S100A8: variants seen among roughly 807,000 people sequenced by gnomAD.
S100A8 encodes protein S100-A8.
S100A8 carries 1 observed loss-of-function variant against 4.2 expected under a neutral mutation model. That is an observed-to-expected ratio of 0.24 (90% CI 0.08 to 1.12). The LOEUF is 1.12. Among genes scored for constraint, S100A8 ranks in the 50% most tolerant of loss-of-function variants. The probability of loss-of-function intolerance (pLI) is 0.53; values close to 1 mark genes in which losing one functional copy is unlikely to be tolerated. For synonymous variants in S100A8, 41 were observed against 44.7 expected (o/e 0.92, Z 0.33); for missense variants, 96 against 111.8 (o/e 0.86, Z 0.64).
the S100A8 span, among the ~76,000 whole-genome samples, chr1:153,412,980 G>A: frequency 6.6e-6 from 1 of 152,278 alleles, no homozygotes; most frequent in East Asian, 1.9e-4. Context: ...ATCAGGGCCT[G>A]TCGTGAGGTT....
upstream of S100A8, among the ~76,000 whole-genome samples, chr1:153,393,695 C>T (rs75117703): frequency 5.0e-3 from 763 of 152,312 alleles, 5 homozygotes; most frequent in African/African-American, 0.017. Flanking sequence ...TTATTCACCA[C>T]GTACTATCCT....
the S100A8 span, chr1:153,419,500 C>T: frequency 3.2e-5 from 21 of 647,398 alleles, no homozygotes; most frequent in Middle Eastern, 3.4e-4. Context: ...CCTCCAGCAA[C>T]GTTCCCCCTA....
At chr1:153,421,572 G>A in the S100A8 span, 1 of 152,212 alleles carries the variant, frequency 6.6e-6, no homozygotes, top group South Asian at 2.1e-4. Flanking sequence ...CAGTCCTGGA[G>A]GCAGGTTGTG....
the S100A8 span, among the ~76,000 whole-genome samples, chr1:153,411,827 A>G: frequency 6.6e-6 from 1 of 152,336 alleles, no homozygotes; most frequent in East Asian, 1.9e-4. Flanking sequence ...AAATAATACC[A>G]CACAACTACA....
chr1:153,419,277 G>A, the S100A8 span: 26 of 1,614,076 alleles, frequency 1.6e-5, no homozygotes, highest in Non-Finnish European at 2.0e-5. Context: ...GCAGAGCCAT[G>A]GAGCGGCGCC....
the S100A8 span, among the ~76,000 whole-genome samples, chr1:153,409,579 A>G: frequency 1.3e-5 from 2 of 152,206 alleles, no homozygotes; most frequent in Non-Finnish European, 2.9e-5. Context: ...TAAGACAGAA[A>G]GTTAACAAGG....
At chr1:153,416,826 C>T in the S100A8 span, among the ~76,000 whole-genome samples, 1 of 152,252 alleles carries the variant, frequency 6.6e-6, no homozygotes, top group Non-Finnish European at 1.5e-5. Flanking sequence ...GGGACCTGAG[C>T]ACAGGACCCT....
the S100A8 span, among the ~76,000 whole-genome samples, chr1:153,405,752 T>C: frequency 1.3e-5 from 2 of 151,924 alleles, no homozygotes; most frequent in Non-Finnish European, 2.9e-5. Context: ...AAACCTGCAT[T>C]TCCATAGAGC....
upstream of S100A8, among the ~76,000 whole-genome samples, chr1:153,392,779 A>G (rs1228765678): frequency 1.3e-5 from 2 of 152,206 alleles, no homozygotes; most frequent in Admixed American, 6.5e-5. Flanking sequence ...GGCATGAGCC[A>G]TTGCATAAAC....
chr1:153,418,926 C>T, the S100A8 span, among the ~76,000 whole-genome samples: 5 of 152,108 alleles, frequency 3.3e-5, no homozygotes, highest in Non-Finnish European at 5.9e-5. Flanking sequence ...ACCTGCCTCC[C>T]ATCCTGAGGT....
chr1:153,418,355 T>C, the S100A8 span: 183 of 1,208,864 alleles, frequency 1.5e-4, no homozygotes, highest in African/African-American at 2.3e-3. Context: ...TAGGGCTTTA[T>C]TGCTTGGATC....
chr1:153,392,039 C>A (rs1662111456), upstream of S100A8, among the ~76,000 whole-genome samples: 2 of 152,132 alleles, frequency 1.3e-5, no homozygotes, highest in Admixed American at 1.3e-4. Context: ...TGGCTTCCAA[C>A]CTTGAAGACT....
the S100A8 span, among the ~76,000 whole-genome samples, chr1:153,404,903 G>T: frequency 2.0e-5 from 3 of 152,110 alleles, no homozygotes; most frequent in African/African-American, 7.2e-5. Flanking sequence ...GACAACCAGG[G>T]CGAGGTGGGT....
chr1:153,411,275 A>T, the S100A8 span, among the ~76,000 whole-genome samples: 14 of 152,252 alleles, frequency 9.2e-5, no homozygotes, highest in East Asian at 2.1e-3. Context: ...AAGCAACTTC[A>T]GCAAAGTCTC....
At chr1:153,399,927 T>TA in the S100A8 span, among the ~76,000 whole-genome samples, 1 of 151,906 alleles carries the variant, frequency 6.6e-6, no homozygotes, top group East Asian at 1.9e-4. Flanking sequence ...GGGTGCACAA[T>TA]GAGAAGTTAG....
At chr1:153,400,156 T>C in the S100A8 span, among the ~76,000 whole-genome samples, 1 of 152,136 alleles carries the variant, frequency 6.6e-6, no homozygotes, top group Non-Finnish European at 1.5e-5. Context: ...GGCAAGACTG[T>C]GATACACAAA....
At chr1:153,413,259 G>A in the S100A8 span, among the ~76,000 whole-genome samples, 111 of 152,282 alleles carry the variant, frequency 7.3e-4, no homozygotes, top group African/African-American at 2.4e-3. Flanking sequence ...ATGAATGCAC[G>A]TGTATATAAA....
chr1:153,394,932 C>T (rs748945118), upstream of S100A8, among the ~76,000 whole-genome samples: 25 of 152,294 alleles, frequency 1.6e-4, no homozygotes, highest in African/African-American at 5.3e-4. Context: ...CTCAGGACAC[C>T]GGTTCCCAGA....
chr1:153,396,915 G>T, the S100A8 span: 1 of 152,272 alleles, frequency 6.6e-6, no homozygotes, highest in East Asian at 1.9e-4. Context: ...CAGTGACTAG[G>T]ACTCTGAATG....
Sources: allele counts gnomAD v4.1 joint callset (sites outside exome capture counted in the v4.1 genomes callset), GRCh38; gene constraint gnomAD v4.1.1; transcripts MANE v1.5; gene names NCBI Gene and HGNC (gene_info 2026-07-23, HGNC 2026-07-21).